CTDSPL: variants seen among roughly 807,000 people sequenced by gnomAD.
The protein encoded by CTDSPL is CTD small phosphatase like.
CTDSPL carries 8 observed loss-of-function variants against 30.5 expected under a neutral mutation model. The ratio of observed to expected loss-of-function variants is 0.26; its 90% CI spans 0.15 to 0.47. CTDSPL has a LOEUF of 0.47. CTDSPL is among the 20% of genes least tolerant of loss of function. CTDSPL has a pLI of 0.99. For missense variants in CTDSPL, 248 were observed against 366.1 expected (o/e 0.68, Z 2.63); for synonymous variants, 110 against 137.9 (o/e 0.80, Z 1.42).
intron 3 of CTDSPL, among the ~76,000 whole-genome samples, chr3:37,961,202 A>T (rs773169845): frequency 2.0e-5 from 3 of 152,160 alleles, no homozygotes; most frequent in African/African-American, 7.2e-5. Flanking sequence ...TTGCACGCCT[A>T]TTGGAAATGA....
intron 1 of CTDSPL, among the ~76,000 whole-genome samples, chr3:37,887,050 G>A (rs577555113): frequency 3.8e-4 from 58 of 152,300 alleles, no homozygotes; most frequent in African/African-American, 1.3e-3. Context: ...CTCAGGAATT[G>A]GTTTGGGTTA....
At chr3:37,955,664 G>A (rs562960641) in intron 2 of CTDSPL, among the ~76,000 whole-genome samples, 2 of 152,100 alleles carry the variant, frequency 1.3e-5, no homozygotes, top group Non-Finnish European at 2.9e-5. Flanking sequence ...ACAACAAAGG[G>A]AACAACAGAC....
chr3:37,973,546 G>A (rs1172401540), intron 6 of CTDSPL, among the ~76,000 whole-genome samples: 1 of 152,226 alleles, frequency 6.6e-6, no homozygotes, highest in Non-Finnish European at 1.5e-5. Context: ...TCCTCGCTGA[G>A]GTACATGTCC....
At chr3:37,907,237 C>T (rs1171166177) in intron 1 of CTDSPL, among the ~76,000 whole-genome samples, 1 of 152,154 alleles carries the variant, frequency 6.6e-6, no homozygotes, top group African/African-American at 2.4e-5. Flanking sequence ...AGATTCTGAC[C>T]TTGAGGGTCT....
Position 37,903,256 on chromosome 3 carries a change from G to A in CTDSPL, c.79+40978G>A, listed in dbSNP as rs78113076. Among the ~76,000 whole-genome samples the A allele has an allele frequency of 8.5e-3, 1,296 of 152,352 alleles. 9 individuals carry two copies. The highest frequency in any genetic ancestry group is 0.016 in the Admixed American group (247 of 15,310). On this transcript the variant is annotated intron_variant, in intron 1 of 7. Coordinates refer to ENST00000273179, the MANE Select transcript of CTDSPL (RefSeq NM_001008392.2). ...TTTGTTGTTAGAAAAGGAGGCTGCTGTTAGCTACACCTCTCATTCCTAGCT... is the reference window on the plus strand; with the variant it reads ...TTTGTTGTTAGAAAAGGAGGCTGCTATTAGCTACACCTCTCATTCCTAGCT...
chr3:37,876,144 A>G (rs1334594344), intron 1 of CTDSPL, among the ~76,000 whole-genome samples: 1 of 151,960 alleles, frequency 6.6e-6, no homozygotes, highest in African/African-American at 2.4e-5. Flanking sequence ...CTTTAGGAGG[A>G]TGAGGCGGAG....
rs773049465 is a variant in CTDSPL, at chr3:37,982,079, G to C, written c.*1212G>C. On this transcript the variant is annotated 3_prime_UTR_variant, in exon 8 of 8. Coordinates refer to ENST00000273179, the MANE Select transcript of CTDSPL (RefSeq NM_001008392.2). ...GCAAAAGGACCACAGCACCACTTAG[G>C]TGTAGCATGGATTTTAAACTGCAGT... is the stretch of plus-strand genomic sequence containing the variant. 2.6e-4 allele frequency: 91 copies of C among 344,670 alleles called. No homozygotes were observed. Among genetic ancestry groups the C allele is most frequent in the Non-Finnish European group, 4.9e-4 (85 of 173,678 alleles). 21.4% of individuals were successfully genotyped at this position (344,670 alleles called of 1,614,324 possible).
At chr3:37,931,672 T>G (rs961230592) in intron 1 of CTDSPL, among the ~76,000 whole-genome samples, 2 of 152,156 alleles carry the variant, frequency 1.3e-5, no homozygotes, top group African/African-American at 4.8e-5. Context: ...TTATCTCCTA[T>G]AGGTATTTTC....
chr3:37,959,723 G>T (rs1559644788), intron 3 of CTDSPL, among the ~76,000 whole-genome samples: 1 of 151,916 alleles, frequency 6.6e-6, no homozygotes, highest in South Asian at 2.1e-4. Flanking sequence ...ATAGTTCTTT[G>T]TGATCAGTTT....
At chr3:37,891,698 T>A (rs937132112) in intron 1 of CTDSPL, among the ~76,000 whole-genome samples, 2 of 152,224 alleles carry the variant, frequency 1.3e-5, no homozygotes, top group Non-Finnish European at 2.9e-5. Flanking sequence ...GTTTGTTTGT[T>A]TATTATAGAA....
intron 1 of CTDSPL, among the ~76,000 whole-genome samples, chr3:37,883,717 G>A (rs1428873338): frequency 6.6e-6 from 1 of 152,130 alleles, no homozygotes; most frequent in East Asian, 1.9e-4. Context: ...TTTGGGGCCT[G>A]GAATTTCTTT....
intron 1 of CTDSPL, among the ~76,000 whole-genome samples, chr3:37,873,365 T>C (rs1053743785): frequency 1.1e-4 from 17 of 152,192 alleles, no homozygotes; most frequent in African/African-American, 4.1e-4. Context: ...TAGGCTTTTA[T>C]TGGGTCTCTT....
chr3:37,960,519 T>A (rs1699229256), intron 3 of CTDSPL, among the ~76,000 whole-genome samples: 3 of 52,508 alleles, frequency 5.7e-5, no homozygotes, highest in Admixed American at 3.0e-4. Flanking sequence ...TATATATATA[T>A]ATATATATAT....
At chr3:37,904,347 G>A (rs1034039070) in intron 1 of CTDSPL, among the ~76,000 whole-genome samples, 3 of 152,182 alleles carry the variant, frequency 2.0e-5, no homozygotes, top group Admixed American at 6.5e-5. Flanking sequence ...GAGGAGTGGG[G>A]CACTCTATCA....
chr3:37,892,663 G>A (rs556943530), intron 1 of CTDSPL, among the ~76,000 whole-genome samples: 2 of 152,150 alleles, frequency 1.3e-5, no homozygotes, highest in East Asian at 1.9e-4. Flanking sequence ...AGAGAACTGA[G>A]TGTTCTTATG....
At chr3:37,942,803 T>C (rs569893707) in intron 1 of CTDSPL, among the ~76,000 whole-genome samples, 2 of 150,616 alleles carry the variant, frequency 1.3e-5, no homozygotes, top group African/African-American at 4.8e-5. Context: ...GCCCAGGTCC[T>C]GTACTGTTGC....
chr3:37,900,063 T>G (rs1357845468), intron 1 of CTDSPL, among the ~76,000 whole-genome samples: 2 of 152,184 alleles, frequency 1.3e-5, no homozygotes, highest in Non-Finnish European at 2.9e-5. Context: ...TTAATCACAA[T>G]GAAATATTGC....
chr3:37,957,891 G>A (rs963443319), intron 3 of CTDSPL, among the ~76,000 whole-genome samples: 7 of 152,168 alleles, frequency 4.6e-5, no homozygotes, highest in African/African-American at 7.2e-5. Context: ...ACTGAAGACC[G>A]ACTCCCAAAA....
At position 37,984,243 on chromosome 3, in the gene CTDSPL, C is replaced by A; in HGVS notation, c.*3376C>A. The A allele has an allele frequency of 2.2e-6, 1 of 452,360 alleles. No homozygotes were observed. The allele number at this position is 452,360 out of a possible 1,614,324, so 28.0% of individuals were successfully genotyped here. A position where few individuals can be genotyped will look rare whatever the true frequency, so the allele number is the denominator to read the frequency against. On this transcript the variant is annotated 3_prime_UTR_variant, in exon 8 of 8. Transcript: ENST00000273179. ...ATCATGTCTGTTCCTGTTCCATTCT[C>A]CCAGGAGCTTCTCTGCAGACTGACA... is the stretch of plus-strand genomic sequence containing the variant.
Sources: allele counts gnomAD v4.1 joint callset (sites outside exome capture counted in the v4.1 genomes callset), GRCh38; gene constraint gnomAD v4.1.1; transcripts MANE v1.5; gene names NCBI Gene and HGNC (gene_info 2026-07-23, HGNC 2026-07-21).